Variants in ITGAM observed in about 807,000 individuals in gnomAD.
ITGAM encodes integrin subunit alpha M.
A neutral mutation model predicts 137.5 loss-of-function variants in ITGAM; 79 were observed. The observed-to-expected ratio is 0.57, with a 90% CI of 0.48 to 0.69. The LOEUF is 0.69. Among genes scored for constraint, ITGAM ranks in the 30% least tolerant of loss-of-function variants. The pLI is 0.00. For missense variants in ITGAM, 1,343 were observed against 1,483.5 expected (o/e 0.91, Z 1.56); for synonymous variants, 583 against 592.3 (o/e 0.98, Z 0.23).
In ITGAM at chr16:31,276,655, C is replaced by T. The variant is rs1469364914; in HGVS notation, c.1010-16C>T. The T allele has an allele frequency of 6.3e-7, 1 of 1,598,682 alleles. No individual in the cohort carries two copies. Among genetic ancestry groups the T allele is most frequent in the South Asian group, 1.1e-5 (1 of 89,232 alleles). ...CCTTCTGCTTTCTTTAATATAGAAA[C>T]TTCTCCTCTTTACAGGTACTCAGAC... On this transcript the variant is annotated splice_polypyrimidine_tract_variant and intron_variant, in intron 9 of 29. Coordinates refer to ENST00000544665, the MANE Select transcript of ITGAM (RefSeq NM_000632.4).
At chr16:31,331,337 G>T (rs1248518344) in intron 29 of ITGAM, 62 bp downstream of exon 29, 3 of 888,066 alleles carry the variant, frequency 3.4e-6, no homozygotes, top group Non-Finnish European at 5.4e-6. Flanking sequence ...CTGCAGCTCC[G>T]TGCCTCGGTT....
rs371873765 is a variant in ITGAM at position 31,261,753 on chromosome 16, C to T, written c.90C>T (p.Asn30=). Residue 30 remains asparagine (N), a synonymous_variant, in exon 2 of 30, where the codon AAC becomes AAT. Coordinates refer to ENST00000544665, the MANE Select transcript of ITGAM (RefSeq NM_000632.4). ...AAAACGCAATGACCTTCCAAGAGAA[C>T]GCAAGGGGCTTCGGGCAGAGCGTGG... is the stretch of plus-strand genomic sequence containing the variant. The part of the protein sequence containing the change: ...DTENAMTFQE[N]ARGFGQSVVQ... The T allele has an allele frequency of 9.3e-6, 15 of 1,613,210 alleles. No individual in the cohort carries two copies. The highest frequency in any genetic ancestry group is 5.5e-5 in the South Asian group (5 of 90,982).
intron 8 of ITGAM, 117 bp downstream of exon 8, chr16:31,273,635 C>T (rs1202737878): frequency 2.8e-5 from 27 of 948,352 alleles, no homozygotes; most frequent in Non-Finnish European, 3.6e-5. Flanking sequence ...AATGCTAGCT[C>T]ATATACACCG....
intron 11 of ITGAM, among the ~76,000 whole-genome samples, chr16:31,277,529 T>C (rs1268319119): frequency 6.6e-6 from 1 of 152,168 alleles, no homozygotes; most frequent in Non-Finnish European, 1.5e-5. Flanking sequence ...CAGCTAATTT[T>C]GTATTTTTAG....
At chr16:31,312,887 T>TTTA (rs1457573389) in intron 14 of ITGAM, among the ~76,000 whole-genome samples, 2 of 151,772 alleles carry the variant, frequency 1.3e-5, no homozygotes, top group African/African-American at 4.8e-5. Context: ...TTTTTTTTTT[T>TTTA]TTTAAATCTT....
intron 8 of ITGAM, among the ~76,000 whole-genome samples, chr16:31,274,672 T>TG (rs1401060446): frequency 5.9e-5 from 9 of 152,122 alleles, no homozygotes; most frequent in African/African-American, 2.2e-4. Flanking sequence ...TGGAGTGCAG[T>TG]GGCATGATCT....
intron 9 of ITGAM, among the ~76,000 whole-genome samples, 192 bp from the exon 10 acceptor site, chr16:31,276,479 A>G (rs906809387): frequency 2.0e-5 from 3 of 151,884 alleles, no homozygotes; most frequent in African/African-American, 4.8e-5. Context: ...TTACAGGCGC[A>G]TACCACCACG....
At chr16:31,303,118 T>A (rs1362053700) in intron 14 of ITGAM, among the ~76,000 whole-genome samples, 1 of 151,610 alleles carries the variant, frequency 6.6e-6, no homozygotes, top group Non-Finnish European at 1.5e-5. Context: ...ACTGCAGTCT[T>A]GACACCCAGG....
At chr16:31,315,917 G>A (rs999466774) in intron 14 of ITGAM, among the ~76,000 whole-genome samples, 4 of 151,744 alleles carry the variant, frequency 2.6e-5, no homozygotes, top group African/African-American at 4.8e-5. Flanking sequence ...ATTGTTGGCC[G>A]GGCGCGGTGG....
intron 9 of ITGAM, 111 bp downstream of exon 9, chr16:31,275,810 A>G (rs1392657199): frequency 1.2e-5 from 12 of 1,006,116 alleles, no homozygotes; most frequent in Non-Finnish European, 1.7e-5. Flanking sequence ...CCCCAGCATC[A>G]ACTCTCTCCA....
chr16:31,305,173 T>C (rs1032384355), intron 14 of ITGAM, among the ~76,000 whole-genome samples: 4 of 152,160 alleles, frequency 2.6e-5, no homozygotes, highest in African/African-American at 7.2e-5. Context: ...GAGCTTCACC[T>C]CCTTGGTTAA....
At chr16:31,272,042 G>C in intron 7 of ITGAM, 50 bp downstream of exon 7, 2 of 1,610,734 alleles carry the variant, frequency 1.2e-6, no homozygotes, top group South Asian at 1.1e-5. Flanking sequence ...GACACTTTTA[G>C]CTGGGCTTTG....
chr16:31,329,340 C>G (rs369327127), intron 24 of ITGAM, 37 bp downstream of exon 24: 33 of 1,435,478 alleles, frequency 2.3e-5, no homozygotes, highest in Non-Finnish European at 3.2e-5. Flanking sequence ...GAGAAGGAGG[C>G]TGGGGAGGAA....
In ITGAM at chr16:31,278,040, C is replaced by T. The variant is rs770023345; in HGVS notation, c.1287C>T (p.Ile429=). ...LVLGAPRYQH[I]GLVAMFRQNT... ...TGGGGGCACCTCGATATCAGCACATCGGCCTGGTAGCGATGTTCAGGCAGA... is the reference window on the plus strand; with the variant it reads ...TGGGGGCACCTCGATATCAGCACATTGGCCTGGTAGCGATGTTCAGGCAGA... Residue 429 remains isoleucine (I), a synonymous_variant, in exon 12 of 30, where the codon ATC becomes ATT. Transcript: ENST00000544665. The T allele has an allele frequency of 2.2e-5, 36 of 1,607,412 alleles. No individual in the cohort carries two copies. Among genetic ancestry groups the T allele is most frequent in the African/African-American group, 1.9e-4 (14 of 74,774 alleles).
intron 12 of ITGAM, 134 bp downstream of exon 12, chr16:31,278,243 G>A: frequency 1.1e-6 from 1 of 928,032 alleles, no homozygotes; most frequent in Non-Finnish European, 1.6e-6. Context: ...CTGGGGAGTT[G>A]TGGGATCAGC....
At chr16:31,272,181 AG>A (rs2079848498) in intron 7 of ITGAM, among the ~76,000 whole-genome samples, 189 bp downstream of exon 7, 2 of 151,464 alleles carry the variant, frequency 1.3e-5, no homozygotes, top group Non-Finnish European at 2.9e-5. Flanking sequence ...GGAGTGGGGA[AG>A]TGAGGGAAAG....
chr16:31,328,500 AT>A (rs1567282356), intron 23 of ITGAM, among the ~76,000 whole-genome samples: 2 of 148,226 alleles, frequency 1.3e-5, no homozygotes, highest in African/African-American at 5.0e-5. Flanking sequence ...GTATTTGTGG[AT>A]GTGAGTGTGA....
rs770611150 is a variant in ITGAM, at chr16:31,261,777, G to C, written c.114G>C (p.Val38=). The change falls in exon 2 of 30, where the codon GTG becomes GTC. Residue 38 remains valine (V), a synonymous_variant. Transcript: ENST00000544665. ...ACGCAAGGGGCTTCGGGCAGAGCGT[G>C]GTCCAGCTTCAGGGATCCAGGTGAG... ...QENARGFGQS[V]VQLQGSRVVV... is the part of the protein sequence containing the mutation. The C allele has an allele frequency of 6.2e-7, 1 of 1,612,430 alleles. No individual in the cohort carries two copies. Among genetic ancestry groups the C allele is most frequent in the Non-Finnish European group, 8.5e-7 (1 of 1,179,264 alleles).
At chr16:31,308,300 G>A (rs546768571) in intron 14 of ITGAM, among the ~76,000 whole-genome samples, 98 of 152,238 alleles carry the variant, frequency 6.4e-4, no homozygotes, top group African/African-American at 2.1e-3. Flanking sequence ...TGGTTGGTAA[G>A]CTATTAGTTA....
Sources: allele counts gnomAD v4.1 joint callset (sites outside exome capture counted in the v4.1 genomes callset), GRCh38; gene constraint gnomAD v4.1.1; transcripts MANE v1.5; gene names NCBI Gene and HGNC (gene_info 2026-07-23, HGNC 2026-07-21).